DPP10: variants seen among roughly 807,000 people sequenced by gnomAD.
DPP10 encodes dipeptidyl peptidase like 10.
A neutral mutation model predicts 120.9 loss-of-function variants in DPP10; 33 were observed. That is an observed-to-expected ratio of 0.27 (90% CI 0.21 to 0.37). The LOEUF is 0.37. DPP10 is among the 10% of genes least tolerant of loss of function. DPP10 has a pLI of 1.00. For synonymous variants in DPP10, 337 were observed against 326.1 expected (o/e 1.03, Z -0.36); for missense variants, 816 against 942.8 (o/e 0.87, Z 1.76).
At chr2:114,902,066 T>C (rs979803628) in intron 1 of DPP10, among the ~76,000 whole-genome samples, 16 of 152,328 alleles carry the variant, frequency 1.1e-4, no homozygotes, top group African/African-American at 3.8e-4. Flanking sequence ...ATCAGAAAAG[T>C]GCCCAGGAAA....
chr2:114,843,996 T>G (rs1688356755), intron 1 of DPP10, among the ~76,000 whole-genome samples: 1 of 152,198 alleles, frequency 6.6e-6, no homozygotes, highest in African/African-American at 2.4e-5. Context: ...ACTGTTCAGC[T>G]ACTGTGATCT....
chr2:115,831,122 T>A (rs1053994056), intron 21 of DPP10, among the ~76,000 whole-genome samples: 3 of 152,144 alleles, frequency 2.0e-5, no homozygotes, highest in Non-Finnish European at 4.4e-5. Context: ...AATAATAGAG[T>A]GTAATAAAAT....
At chr2:114,936,360 T>C (rs985878801) in intron 1 of DPP10, among the ~76,000 whole-genome samples, 1 of 151,974 alleles carries the variant, frequency 6.6e-6, no homozygotes, top group Non-Finnish European at 1.5e-5. Context: ...AGTGTATATA[T>C]ATATGTGTGT....
chr2:114,959,367 A>G (rs1698446226), intron 1 of DPP10, among the ~76,000 whole-genome samples: 2 of 152,102 alleles, frequency 1.3e-5, no homozygotes, highest in African/African-American at 4.8e-5. Context: ...CAGTTAGCAT[A>G]TATTTCCAGG....
intron 5 of DPP10, among the ~76,000 whole-genome samples, chr2:115,636,550 T>G (rs1247926081): frequency 1.3e-5 from 2 of 151,524 alleles, no homozygotes; most frequent in Non-Finnish European, 2.9e-5. Flanking sequence ...TATGTTTATG[T>G]TAAAAGAGAG....
chr2:115,044,606 C>T (rs1704921743), intron 1 of DPP10, among the ~76,000 whole-genome samples: 1 of 152,072 alleles, frequency 6.6e-6, no homozygotes, highest in African/African-American at 2.4e-5. Flanking sequence ...CCTGGTGCCC[C>T]ACCTCCAGCA....
intron 3 of DPP10, among the ~76,000 whole-genome samples, chr2:115,483,852 T>C (rs1392900732): frequency 6.6e-6 from 1 of 152,114 alleles, no homozygotes; most frequent in Non-Finnish European, 1.5e-5. Context: ...CGTATATCTA[T>C]ATCTTCTCAG....
intron 3 of DPP10, among the ~76,000 whole-genome samples, chr2:115,472,988 G>A (rs2074832590): frequency 6.6e-6 from 1 of 152,170 alleles, no homozygotes; most frequent in Admixed American, 6.5e-5. Context: ...ACAGACAGTA[G>A]AATATGCCAA....
chr2:114,655,816 T>G (rs1425451035), intron 1 of DPP10, among the ~76,000 whole-genome samples: 3 of 152,258 alleles, frequency 2.0e-5, no homozygotes, highest in Admixed American at 1.3e-4. Context: ...ACACAAGCTA[T>G]AGGTAAGGAT....
chr2:115,384,367 C>T (rs1054485344), intron 3 of DPP10, among the ~76,000 whole-genome samples: 2 of 149,820 alleles, frequency 1.3e-5, no homozygotes, highest in Non-Finnish European at 1.5e-5. Context: ...GAGCAAGATC[C>T]TGTCTCAGAA....
chr2:114,523,192 A>C (rs1305758758), intron 1 of DPP10, among the ~76,000 whole-genome samples: 3 of 152,130 alleles, frequency 2.0e-5, no homozygotes, highest in African/African-American at 7.2e-5. Context: ...TCCCATAGAG[A>C]GTTCTGGAGC....
At chr2:115,766,010 T>G (rs1575717375) in intron 12 of DPP10, among the ~76,000 whole-genome samples, 1 of 152,044 alleles carries the variant, frequency 6.6e-6, no homozygotes, top group East Asian at 1.9e-4. Context: ...AAATAGTTAT[T>G]AATTGACTGA....
chr2:114,891,712 C>A (rs1692557798), intron 1 of DPP10, among the ~76,000 whole-genome samples: 3 of 152,204 alleles, frequency 2.0e-5, no homozygotes, highest in African/African-American at 7.2e-5. Flanking sequence ...TGTGACCCAT[C>A]TGAAGAGCCA....
chr2:115,471,102 C>A (rs2074684937), intron 3 of DPP10, among the ~76,000 whole-genome samples: 1 of 152,064 alleles, frequency 6.6e-6, no homozygotes, highest in Non-Finnish European at 1.5e-5. Flanking sequence ...GTGGACCATG[C>A]ACAATTTCTA....
intron 1 of DPP10, among the ~76,000 whole-genome samples, chr2:115,046,749 G>T (rs5015386): frequency 1.3e-5 from 2 of 152,030 alleles, no homozygotes; most frequent in Non-Finnish European, 2.9e-5. Context: ...TAAATGTACA[G>T]AGGCATTATA....
At chr2:115,588,345 T>TG (rs2082419469) in intron 5 of DPP10, among the ~76,000 whole-genome samples, 1 of 152,206 alleles carries the variant, frequency 6.6e-6, no homozygotes, top group Non-Finnish European at 1.5e-5. Context: ...TATCTTTCCT[T>TG]TTAGTGTTTC....
intron 1 of DPP10, among the ~76,000 whole-genome samples, chr2:114,884,001 T>A (rs1395410686): frequency 6.6e-6 from 1 of 151,236 alleles, no homozygotes; most frequent in Non-Finnish European, 1.5e-5. Context: ...ATTTTTGTCT[T>A]TTTTTGCAGT....
intron 1 of DPP10, among the ~76,000 whole-genome samples, chr2:114,761,655 C>T (rs369922262): frequency 3.3e-5 from 5 of 152,164 alleles, no homozygotes; most frequent in Non-Finnish European, 2.9e-5. Flanking sequence ...CCAGTGAAAG[C>T]GCAGAGCTCA....
At chr2:115,072,678 A>T (rs1707464320) in intron 1 of DPP10, among the ~76,000 whole-genome samples, 1 of 152,250 alleles carries the variant, frequency 6.6e-6, no homozygotes, top group African/African-American at 2.4e-5. Flanking sequence ...CATGCTTTTT[A>T]TGAAAAGCAT....
Sources: allele counts gnomAD v4.1 joint callset (sites outside exome capture counted in the v4.1 genomes callset), GRCh38; gene constraint gnomAD v4.1.1; transcripts MANE v1.5; gene names NCBI Gene and HGNC (gene_info 2026-07-23, HGNC 2026-07-21).